WNK2: variants seen among roughly 807,000 people sequenced by gnomAD.
WNK2 encodes WNK lysine deficient protein kinase 2, also known as serine/threonine-protein kinase WNK2.
WNK2 carries 67 observed loss-of-function variants against 192.1 expected under a neutral mutation model. The ratio of observed to expected loss-of-function variants is 0.35; its 90% CI spans 0.29 to 0.43. The LOEUF is 0.43. Ranked by LOEUF, WNK2 falls within the 20% of genes least tolerant of loss-of-function variation. The pLI is 1.00. For synonymous variants in WNK2, 1,439 were observed against 1,393.9 expected (o/e 1.03, Z -0.72); for missense variants, 2,698 against 3,089.7 (o/e 0.87, Z 3.01).
intron 28 of WNK2, 61 bp from the exon 29 acceptor site, chr9:93,317,459 A>G: frequency 6.4e-7 from 1 of 1,550,790 alleles, no homozygotes; most frequent in South Asian, 1.1e-5. Flanking sequence ...GGGGGCCACT[A>G]AGGGAGGCCA....
intron 2 of WNK2, among the ~76,000 whole-genome samples, chr9:93,191,450 C>G (rs917501162): frequency 6.6e-6 from 1 of 151,978 alleles, no homozygotes; most frequent in Non-Finnish European, 1.5e-5. Flanking sequence ...GGAGACAGAG[C>G]CTGTGAGACC....
chr9:93,216,982 C>T (rs886093575), intron 2 of WNK2, among the ~76,000 whole-genome samples: 7 of 147,578 alleles, frequency 4.7e-5, no homozygotes, highest in South Asian at 2.2e-4. Flanking sequence ...TTTTTTGAGA[C>T]GAAGTCTTGC....
At chr9:93,199,065 C>T (rs936430260) in intron 2 of WNK2, among the ~76,000 whole-genome samples, 1 of 152,244 alleles carries the variant, frequency 6.6e-6, no homozygotes, top group Non-Finnish European at 1.5e-5. Flanking sequence ...CCCTGCATGC[C>T]TCCATGCTGT....
chr9:93,192,377 C>T (rs1347097767), intron 2 of WNK2, among the ~76,000 whole-genome samples: 1 of 150,510 alleles, frequency 6.6e-6, no homozygotes, highest in Non-Finnish European at 1.5e-5. Context: ...TTGGGCCTGG[C>T]AGGATGTGGC....
chr9:93,313,771 T>C (rs993626713), intron 28 of WNK2, among the ~76,000 whole-genome samples: 1 of 152,222 alleles, frequency 6.6e-6, no homozygotes, highest in African/African-American at 2.4e-5. Context: ...TCATCATATA[T>C]CTTTTGTCAT....
intron 2 of WNK2, among the ~76,000 whole-genome samples, chr9:93,224,232 G>C (rs1188450436): frequency 6.6e-6 from 1 of 152,238 alleles, no homozygotes; most frequent in Admixed American, 6.5e-5. Context: ...CCTTCAAGGG[G>C]TTGGATTTTG....
intron 2 of WNK2, among the ~76,000 whole-genome samples, chr9:93,187,442 C>T (rs1015306223): frequency 2.0e-5 from 3 of 152,128 alleles, no homozygotes; most frequent in African/African-American, 7.2e-5. Context: ...TGTGGTTTCC[C>T]TGCATCTCCC....
intron 19 of WNK2, among the ~76,000 whole-genome samples, chr9:93,271,151 C>T (rs376800745): frequency 2.0e-5 from 3 of 152,300 alleles, no homozygotes; most frequent in African/African-American, 7.2e-5. Context: ...GGTTCCAGTA[C>T]ACCTGTTTCA....
intron 2 of WNK2, among the ~76,000 whole-genome samples, chr9:93,200,382 C>T (rs547638732): frequency 1.2e-3 from 177 of 152,318 alleles, no homozygotes; most frequent in Non-Finnish European, 2.1e-3. Context: ...TCTGTGTCTG[C>T]CCAGAGGAGG....
chr9:93,285,129 C>G (rs547704481), intron 19 of WNK2, among the ~76,000 whole-genome samples: 10 of 152,286 alleles, frequency 6.6e-5, no homozygotes, highest in Admixed American at 2.0e-4. Context: ...GAAGCTCTAC[C>G]TATAAAATTA....
rs1828856068 is a variant in WNK2 at position 93,184,331 on chromosome 9, C to T, written c.-57C>T. On this transcript the variant is annotated 5_prime_UTR_variant, in exon 1 of 30. Coordinates refer to ENST00000427277, the MANE Select transcript of WNK2 (RefSeq NM_006648.4). ...CCCGTCCTCGAAGCGTGATCTCTCC[C>T]GCCTCGCACGCCCTGGCCGCCGGGC... 6.6e-6 allele frequency among the ~76,000 whole-genome samples: 1 copy of T among 151,206 alleles called. No homozygotes were observed. Among genetic ancestry groups the T allele is most frequent in the African/African-American group, 2.4e-5 (1 of 41,318 alleles).
At chr9:93,236,146 G>A (rs1839776718) in intron 5 of WNK2, among the ~76,000 whole-genome samples, 1 of 152,214 alleles carries the variant, frequency 6.6e-6, no homozygotes, top group African/African-American at 2.4e-5. Context: ...TCTGCAGCAG[G>A]AGGAAGTGGG....
intron 2 of WNK2, among the ~76,000 whole-genome samples, chr9:93,220,729 G>A (rs766607470): frequency 2.0e-5 from 3 of 152,188 alleles, no homozygotes; most frequent in Non-Finnish European, 4.4e-5. Context: ...GAGGCTTCAG[G>A]TCCCGGGAGA....
At chr9:93,291,753 T>C (rs1222490992) in intron 21 of WNK2, among the ~76,000 whole-genome samples, 1 of 152,172 alleles carries the variant, frequency 6.6e-6, no homozygotes, top group Non-Finnish European at 1.5e-5. Context: ...CACATGAGGG[T>C]CTCAGCTCAG....
chr9:93,301,850 G>GC (rs1002829593), intron 26 of WNK2, among the ~76,000 whole-genome samples: 5 of 152,214 alleles, frequency 3.3e-5, no homozygotes, highest in African/African-American at 1.2e-4. Flanking sequence ...TCACGGCTTA[G>GC]CCCCCATCAG....
At chr9:93,318,747 C>T (rs2134498177) in intron 29 of WNK2, 1 of 1,427,004 alleles carries the variant, frequency 7.0e-7, no homozygotes. Flanking sequence ...CAGCCCTAAG[C>T]CTGCTCTGCG....
At chr9:93,207,165 C>T (rs1348847113) in intron 2 of WNK2, among the ~76,000 whole-genome samples, 1 of 152,136 alleles carries the variant, frequency 6.6e-6, no homozygotes, top group African/African-American at 2.4e-5. Context: ...ATTGTTAACC[C>T]GTTATCATGG....
Position 93,253,419 on chromosome 9 carries a change from C to T in WNK2, c.2034+337C>T, listed in dbSNP as rs148131420. ...AGGCTATGGTAGAGCTGAGTGGTTC[C>T]CCCTGGGGAGCGGGCACAGTGATAA... is the stretch of plus-strand genomic sequence containing the variant. On this transcript the variant is annotated intron_variant, in intron 9 of 29. Coordinates refer to ENST00000427277, the MANE Select transcript of WNK2 (RefSeq NM_006648.4). Among the ~76,000 whole-genome samples the T allele has an allele frequency of 3.5e-4, 53 of 151,968 alleles. 1 individual carries two copies. In the East Asian group the frequency reaches 9.1e-3, roughly 26 times the overall value.
intron 13 of WNK2, among the ~76,000 whole-genome samples, chr9:93,262,438 T>C (rs1844427158): frequency 6.6e-6 from 1 of 152,242 alleles, no homozygotes; most frequent in African/African-American, 2.4e-5. Flanking sequence ...GCTCCCAGCT[T>C]TTATGAATAC....
Sources: allele counts gnomAD v4.1 joint callset (sites outside exome capture counted in the v4.1 genomes callset), GRCh38; gene constraint gnomAD v4.1.1; transcripts MANE v1.5; gene names NCBI Gene and HGNC (gene_info 2026-07-23, HGNC 2026-07-21).